Variants in GNA13 observed in about 807,000 individuals in gnomAD.
The protein encoded by GNA13 is G protein subunit alpha 13.
In GNA13, 4 loss-of-function variants were observed where a neutral mutation model predicts 33.5. That is an observed-to-expected ratio of 0.12 (90% CI 0.06 to 0.27). GNA13 has a LOEUF of 0.27. Among genes scored for constraint, GNA13 ranks in the 10% least tolerant of loss-of-function variants. The pLI is 1.00. For synonymous variants in GNA13, 176 were observed against 183.8 expected (o/e 0.96, Z 0.34); for missense variants, 319 against 487.2 (o/e 0.65, Z 3.25).
At chr17:65,028,473 T>C (rs1906886607) in intron 2 of GNA13, among the ~76,000 whole-genome samples, 1 of 151,582 alleles carries the variant, frequency 6.6e-6, no homozygotes, top group African/African-American at 2.4e-5. Flanking sequence ...AAAACCCACT[T>C]CACAGGTGAT....
At chr17:65,015,818 T>C in intron 3 of GNA13, among the ~76,000 whole-genome samples, 1 of 152,180 alleles carries the variant, frequency 6.6e-6, no homozygotes, top group East Asian at 1.9e-4. Context: ...AACTTCTATG[T>C]TTTCATTGCT....
intron 2 of GNA13, among the ~76,000 whole-genome samples, chr17:65,040,949 G>C (rs1907429515): frequency 6.6e-6 from 1 of 152,188 alleles, no homozygotes; most frequent in South Asian, 2.1e-4. Context: ...TGGGACAGCT[G>C]CTCATTGCTA....
intron 3 of GNA13, among the ~76,000 whole-genome samples, chr17:65,018,006 T>G (rs1026955227): frequency 1.4e-5 from 2 of 147,186 alleles, no homozygotes; most frequent in African/African-American, 2.5e-5. Flanking sequence ...ATAAAAATAC[T>G]TTCATTTTGA....
intron 2 of GNA13, among the ~76,000 whole-genome samples, chr17:65,051,674 C>A (rs899326583): frequency 1.3e-5 from 2 of 152,134 alleles, no homozygotes; most frequent in Non-Finnish European, 2.9e-5. Flanking sequence ...TATGGAAGAA[C>A]TCATGCAAGC....
At chr17:65,049,371 T>A (rs2143827083) in intron 2 of GNA13, among the ~76,000 whole-genome samples, 1 of 152,330 alleles carries the variant, frequency 6.6e-6, no homozygotes, top group Admixed American at 6.5e-5. Context: ...TCTGCCTGCC[T>A]CAGCCTCCCA....
At position 65,037,721 on chromosome 17, in the gene GNA13, C is replaced by T. The variant is rs1907298956; in HGVS notation, c.510+15781G>A. ...CCGAGAGAGGCAGACTGCTTGAGCC[C>T]AGGAGTTCGAGACCAGCCTAGGCAA... On this transcript the variant is annotated intron_variant, in intron 2 of 3. Coordinates refer to ENST00000439174, the MANE Select transcript of GNA13 (RefSeq NM_006572.6). 3.3e-5 allele frequency among the ~76,000 whole-genome samples: 4 copies of T among 119,704 alleles called. No homozygotes were observed. The South Asian group carries it at 1.1e-3, about 34-fold the overall frequency. The allele number at this position is 119,704 out of a possible 152,430, so 78.5% of individuals were successfully genotyped here.
rs979986351 is a variant in GNA13 at position 65,013,557 on chromosome 17, C to A, written c.*700G>T. On this transcript the variant is annotated 3_prime_UTR_variant, in exon 4 of 4. Coordinates refer to ENST00000439174, the MANE Select transcript of GNA13 (RefSeq NM_006572.6). ...TCACTCGTTACGTTTGACCAAAACA[C>A]GGTAAACAGCATTAGCTTGCCTTTT... is the stretch of plus-strand genomic sequence containing the variant. 1 of 218,388 alleles carries A rather than the reference C, an allele frequency of 4.6e-6. No homozygotes were observed. The highest frequency in any genetic ancestry group is 6.8e-5 in the East Asian group (1 of 14,752). The allele number at this position is 218,388 out of a possible 1,614,324, so 13.5% of individuals were successfully genotyped here.
Position 65,012,306 on chromosome 17 carries a change from T to C in GNA13, c.*1951A>G, listed in dbSNP as rs891323938. On this transcript the variant is annotated 3_prime_UTR_variant, in exon 4 of 4. Coordinates refer to ENST00000439174, the MANE Select transcript of GNA13 (RefSeq NM_006572.6). ...TTGGCCATTCAATTTGCTAAATGTATGGGTAAACTCTCCAATGAATAGTCC... is the reference window on the plus strand; with the variant it reads ...TTGGCCATTCAATTTGCTAAATGTACGGGTAAACTCTCCAATGAATAGTCC... 8.9e-6 allele frequency: 2 copies of C among 223,832 alleles called. No individual in the cohort carries two copies. The highest frequency in any genetic ancestry group is 1.8e-5 in the Non-Finnish European group (2 of 112,218). The allele number at this position is 223,832 out of a possible 1,614,324, so 13.9% of individuals were successfully genotyped here. A position where few individuals can be genotyped will look rare whatever the true frequency, so the allele number is the denominator to read the frequency against.
At chr17:65,031,488 G>A (rs1172870787) in intron 2 of GNA13, among the ~76,000 whole-genome samples, 1 of 152,072 alleles carries the variant, frequency 6.6e-6, no homozygotes. Context: ...TGCAAGTTTG[G>A]AACATTTCAA....
chr17:65,054,995 C>T (rs913561715), intron 1 of GNA13, among the ~76,000 whole-genome samples: 3 of 151,342 alleles, frequency 2.0e-5, no homozygotes, highest in African/African-American at 7.3e-5. Context: ...ATTCATTACT[C>T]CATAATGCCT....
Position 65,014,441 on chromosome 17 carries a change from T to C in GNA13, c.950A>G (p.His317Arg), listed in dbSNP as rs756503153. 6.2e-7 allele frequency: 1 copy of C among 1,614,208 alleles called. No homozygotes were observed. The highest frequency in any genetic ancestry group is 8.5e-7 in the Non-Finnish European group (1 of 1,180,020). The change falls in exon 4 of 4, where the codon CAC (histidine) becomes CGC (arginine). Residue 317 changes from histidine (H) to arginine (R), a missense_variant. Coordinates refer to ENST00000439174, the MANE Select transcript of GNA13 (RefSeq NM_006572.6). This position sits in a 1 kb window ranked among gnomAD's most constrained non-coding sequence, Gnocchi z 5.3. ...GAATTTTTGGACGTCTCTTAAGCAG[T>C]GGGGATCCCCTTCAAATTCTAGGAA... ...DYFLEFEGDP[H>R]CLRDVQKFLV...
At chr17:65,020,677 G>C (rs1466504012) in intron 2 of GNA13, among the ~76,000 whole-genome samples, 13 of 151,144 alleles carry the variant, frequency 8.6e-5, no homozygotes, top group Admixed American at 3.3e-4. Context: ...TTGAGACAGG[G>C]TCTCAATCTG....
chr17:65,020,051 CA>C (rs1906526755), intron 2 of GNA13, among the ~76,000 whole-genome samples: 1 of 152,354 alleles, frequency 6.6e-6, no homozygotes, highest in Non-Finnish European at 1.5e-5. Context: ...ATAAGCTCAA[CA>C]GCTTCTGATC....
chr17:65,052,678 C>CT (rs1907898974), intron 2 of GNA13, among the ~76,000 whole-genome samples: 1 of 152,182 alleles, frequency 6.6e-6, no homozygotes, highest in Admixed American at 6.5e-5. Context: ...GGATTGGATA[C>CT]TTTTATTCCA....
intron 3 of GNA13, among the ~76,000 whole-genome samples, chr17:65,015,366 A>G (rs1460918753): frequency 6.6e-6 from 1 of 151,766 alleles, no homozygotes; most frequent in African/African-American, 2.4e-5. Flanking sequence ...TTGCTCCTCT[A>G]TTAAAAGCAA....
At chr17:65,043,340 T>G (rs1052307394) in intron 2 of GNA13, among the ~76,000 whole-genome samples, 5 of 151,884 alleles carry the variant, frequency 3.3e-5, no homozygotes, top group Non-Finnish European at 5.9e-5. Context: ...CAGGCTGGAG[T>G]GCAGTGGTGC....
At chr17:65,046,507 T>C (rs1018350439) in intron 2 of GNA13, among the ~76,000 whole-genome samples, 2 of 152,178 alleles carry the variant, frequency 1.3e-5, no homozygotes, top group African/African-American at 4.8e-5. Flanking sequence ...GGCCAGGCCG[T>C]TCTGGAATTC....
chr17:65,017,716 C>T (rs911972897), intron 3 of GNA13, among the ~76,000 whole-genome samples: 1 of 152,156 alleles, frequency 6.6e-6, no homozygotes, highest in Non-Finnish European at 1.5e-5. Flanking sequence ...AAATCTAGCC[C>T]TCCTACTCCG....
At chr17:65,055,271 T>A (rs1219314781) in intron 1 of GNA13, among the ~76,000 whole-genome samples, 1 of 152,186 alleles carries the variant, frequency 6.6e-6, no homozygotes, top group East Asian at 1.9e-4. Flanking sequence ...GAAACGAGTG[T>A]TAATTATCTT....
Sources: allele counts gnomAD v4.1 joint callset (sites outside exome capture counted in the v4.1 genomes callset), GRCh38; gene constraint gnomAD v4.1.1; non-coding constraint Gnocchi (gnomAD v3.1); transcripts MANE v1.5; gene names NCBI Gene and HGNC (gene_info 2026-07-23, HGNC 2026-07-21).